WBP1L: variants seen among roughly 807,000 people sequenced by gnomAD.
WBP1L encodes WW domain binding protein 1-like.
Under a neutral mutation model 33.7 loss-of-function variants are expected in WBP1L, and 17 were observed. That is an observed-to-expected ratio of 0.50 (90% CI 0.34 to 0.76). The LOEUF (loss-of-function observed/expected upper bound fraction) is 0.76, where lower values mean the gene tolerates loss of function less well. Ranked by LOEUF, WBP1L falls within the 30% of genes least tolerant of loss-of-function variation. The probability of loss-of-function intolerance (pLI) is 0.01; values close to 1 mark genes in which losing one functional copy is unlikely to be tolerated. For synonymous variants in WBP1L, 173 were observed against 190.8 expected (o/e 0.91, Z 0.77); for missense variants, 389 against 469.4 (o/e 0.83, Z 1.58).
intron 2 of WBP1L, among the ~76,000 whole-genome samples, chr10:102,808,308 C>T (rs1396942471): frequency 1.3e-5 from 2 of 151,634 alleles, no homozygotes; most frequent in Non-Finnish European, 2.9e-5. Context: ...CAGTTCTTTC[C>T]CCCTCGTGCG....
At chr10:102,770,300 C>T (rs528196577) in intron 1 of WBP1L, among the ~76,000 whole-genome samples, 15 of 151,504 alleles carry the variant, frequency 9.9e-5, no homozygotes, top group South Asian at 2.1e-4. Context: ...GTGCCCAAAC[C>T]GGAGAAAGAT....
intron 1 of WBP1L, among the ~76,000 whole-genome samples, chr10:102,762,167 G>A (rs1011835851): frequency 2.6e-5 from 4 of 151,974 alleles, no homozygotes; most frequent in East Asian, 1.9e-4. Flanking sequence ...TTTAGTGGTC[G>A]CACCACTCCA....
chr10:102,753,125 AC>A (rs1435146342), intron 1 of WBP1L, among the ~76,000 whole-genome samples: 1 of 152,144 alleles, frequency 6.6e-6, no homozygotes, highest in Non-Finnish European at 1.5e-5. Flanking sequence ...CATGGACACC[AC>A]TGGGGCCGCT....
intron 1 of WBP1L, among the ~76,000 whole-genome samples, chr10:102,758,489 G>A (rs1590168290): frequency 6.6e-6 from 1 of 152,100 alleles, no homozygotes; most frequent in Non-Finnish European, 1.5e-5. Flanking sequence ...TTTATGACTG[G>A]TTTTCTTTAC....
At chr10:102,746,589 T>C (rs1344532456) in intron 1 of WBP1L, among the ~76,000 whole-genome samples, 1 of 114,940 alleles carries the variant, frequency 8.7e-6, no homozygotes, top group East Asian at 2.5e-4. Flanking sequence ...ATTTAGTCAG[T>C]GTATTTTTTT....
chr10:102,813,487 TC>T lies in WBP1L; in HGVS notation c.*158del. The T allele has an allele frequency of 9.3e-7, 1 of 1,070,228 alleles. No individual in the cohort carries two copies. Among genetic ancestry groups the T allele is most frequent in the Non-Finnish European group, 1.3e-6 (1 of 766,716 alleles). 66.3% of individuals were successfully genotyped at this position (1,070,228 alleles called of 1,614,324 possible). On this transcript the variant is annotated 3_prime_UTR_variant, in exon 4 of 4. Transcript: ENST00000448841. ...CTCCTCTCCTGCATTTTCCTCCATCTCCAGGTACAGTTCGGGGTGTGGATGC... is the reference window on the plus strand; with the variant it reads ...CTCCTCTCCTGCATTTTCCTCCATCTCAGGTACAGTTCGGGGTGTGGATGC...
chr10:102,780,635 C>T (rs1048524728), intron 1 of WBP1L, among the ~76,000 whole-genome samples: 14 of 152,216 alleles, frequency 9.2e-5, no homozygotes, highest in African/African-American at 3.4e-4. Flanking sequence ...AAGGGGTTTA[C>T]AGTCAGCTAG....
intron 1 of WBP1L, among the ~76,000 whole-genome samples, chr10:102,790,448 G>A (rs905031853): frequency 3.3e-5 from 5 of 151,994 alleles, no homozygotes; most frequent in African/African-American, 4.8e-5. Context: ...CATCTTGTTT[G>A]TAATGGATTA....
At chr10:102,766,789 G>A (rs966454358) in intron 1 of WBP1L, among the ~76,000 whole-genome samples, 2 of 151,404 alleles carry the variant, frequency 1.3e-5, no homozygotes, top group South Asian at 2.1e-4. Context: ...CCGAGATTGC[G>A]CCTCTGCACT....
intron 1 of WBP1L, among the ~76,000 whole-genome samples, chr10:102,768,272 C>G (rs1843137810): frequency 6.6e-6 from 1 of 150,412 alleles, no homozygotes; most frequent in African/African-American, 2.5e-5. Flanking sequence ...GCTGGTTTTG[C>G]CATGTTTGCC....
At chr10:102,744,429 A>C in intron 1 of WBP1L, 1 of 985,286 alleles carries the variant, frequency 1.0e-6, no homozygotes, top group Non-Finnish European at 1.2e-6. Flanking sequence ...TAGCGGTGCC[A>C]AGCTGAGGAT....
chr10:102,768,156 C>T (rs1458638138), intron 1 of WBP1L, among the ~76,000 whole-genome samples: 6 of 152,212 alleles, frequency 3.9e-5, no homozygotes, highest in Admixed American at 3.3e-4. Flanking sequence ...CTGCAACCTC[C>T]GCCTCCTGGG....
chr10:102,745,682 AATTT>A (rs1321279478), intron 1 of WBP1L, among the ~76,000 whole-genome samples: 9 of 152,254 alleles, frequency 5.9e-5, no homozygotes, highest in Admixed American at 2.6e-4. Flanking sequence ...TGTAAACCAC[AATTT>A]ATTTATGCAT....
intron 1 of WBP1L, among the ~76,000 whole-genome samples, chr10:102,758,198 G>A (rs971029996): frequency 1.3e-5 from 2 of 149,872 alleles, no homozygotes; most frequent in African/African-American, 4.9e-5. Context: ...TTTTTTTTTA[G>A]TAACAGTTTT....
chr10:102,778,400 G>A (rs1316018228), intron 1 of WBP1L, among the ~76,000 whole-genome samples: 1 of 152,186 alleles, frequency 6.6e-6, no homozygotes, highest in African/African-American at 2.4e-5. Context: ...TACTGAGGTG[G>A]CAAGAGGGCG....
At position 102,776,950 on chromosome 10, in the gene WBP1L, AG is replaced by A. The variant is rs748566011; in HGVS notation, c.91-21039del. On this transcript the variant is annotated intron_variant, in intron 1 of 3. Coordinates refer to ENST00000448841, the MANE Select transcript of WBP1L (RefSeq NM_001083913.2). The stretch of plus-strand genomic sequence containing the variant: ...GGGACGTTCCCGACGCCTCAGGGGA[AG>A]GGGTGTGGAATTGACCCCATTTTGG... Among the ~76,000 whole-genome samples the A allele has an allele frequency of 3.9e-5, 6 of 152,042 alleles. No individual in the cohort carries two copies. The East Asian group carries it at 7.7e-4, about 20-fold the overall frequency.
At chr10:102,807,824 C>T (rs1454359405) in intron 2 of WBP1L, among the ~76,000 whole-genome samples, 1 of 150,838 alleles carries the variant, frequency 6.6e-6, no homozygotes, top group African/African-American at 2.4e-5. Flanking sequence ...TAGCCATATT[C>T]CTAGAGGAAT....
At chr10:102,764,647 G>A (rs1843086262) in intron 1 of WBP1L, among the ~76,000 whole-genome samples, 1 of 152,114 alleles carries the variant, frequency 6.6e-6, no homozygotes. Flanking sequence ...TGTTCCAGGA[G>A]CTTCCCCACC....
chr10:102,793,874 T>C (rs1165984162), intron 1 of WBP1L, among the ~76,000 whole-genome samples: 1 of 151,960 alleles, frequency 6.6e-6, no homozygotes, highest in East Asian at 1.9e-4. Flanking sequence ...GCTCAAGCAG[T>C]CCTCCCACCT....
Sources: allele counts gnomAD v4.1 joint callset (sites outside exome capture counted in the v4.1 genomes callset), GRCh38; gene constraint gnomAD v4.1.1; transcripts MANE v1.5; gene names NCBI Gene and HGNC (gene_info 2026-07-23, HGNC 2026-07-21).